The following RSPH4A variants were observed in gnomAD, a reference collection of about 807,000 sequenced individuals.
RSPH4A encodes radial spoke head protein 4 homolog A.
In RSPH4A, 47 loss-of-function variants were observed where a neutral mutation model predicts 71.0. The observed-to-expected ratio is 0.66, with a 90% CI of 0.52 to 0.84. The LOEUF is 0.84. Among genes scored for constraint, RSPH4A ranks in the 40% least tolerant of loss-of-function variants. The pLI is 0.00. For synonymous variants in RSPH4A, 282 were observed against 302.3 expected, an observed-to-expected ratio of 0.93 and a Z score of 0.70; for missense variants, 793 against 855.2, an observed-to-expected ratio of 0.93 and a Z score of 0.91.
rs775326896 is a variant in RSPH4A, at chr6:116,628,117, C to G, written c.1410C>G (p.Ile470Met). ...TCACTGGGCGATTGGATGCTCCCATCATAAGCTACCCACCTTTCCCAGGAA... is the reference window on the plus strand; with the variant it reads ...TCACTGGGCGATTGGATGCTCCCATGATAAGCTACCCACCTTTCCCAGGAA... ...KFFTGRLDAP[I>M]ISYPPFPGNE... The change falls in exon 3 of 6, where the codon ATC becomes ATG. Residue 470 changes from isoleucine to methionine, a missense_variant. Transcript: ENST00000229554. The G allele has an allele frequency of 1.7e-5, 28 of 1,614,068 alleles. No individual in the cohort carries two copies. In the Middle Eastern group the frequency reaches 4.9e-4, roughly 28 times the overall value.
rs112580115 is a variant in RSPH4A at position 116,625,986 on chromosome 6, G to A, written c.922-1643G>A. ...GAAGTGGTGTGGAGAACTCTTCCAAGCATAAAGAGTTGAGAGATGCGATAA... is the reference window on the plus strand; with the variant it reads ...GAAGTGGTGTGGAGAACTCTTCCAAACATAAAGAGTTGAGAGATGCGATAA... On this transcript the variant is annotated intron_variant, in intron 2 of 5. Transcript: ENST00000229554. Among the ~76,000 whole-genome samples the A allele has an allele frequency of 3.6e-3, 547 of 152,228 alleles. 4 individuals carry two copies. Among genetic ancestry groups the A allele is most frequent in the Non-Finnish European group, 5.7e-3 (385 of 68,004 alleles).
rs117009436 is a variant in RSPH4A at position 116,623,615 on chromosome 6, G to C, written c.921+613G>C. ...ACATTTTATATTCTCCAAGGTGCCTGGTACAGATCTGGATGTATAGCTATT... is the reference window on the plus strand; with the variant it reads ...ACATTTTATATTCTCCAAGGTGCCTCGTACAGATCTGGATGTATAGCTATT... On this transcript the variant is annotated intron_variant, in intron 2 of 5. Transcript: ENST00000229554. Among the ~76,000 whole-genome samples the C allele has an allele frequency of 6.6e-3, 1,007 of 152,130 alleles. 3 individuals are homozygous for C. The highest frequency in any genetic ancestry group is 0.011 in the Non-Finnish European group (752 of 67,982).
intron 4 of RSPH4A, 125 bp from the exon 5 acceptor site, chr6:116,630,310 A>T: frequency 4.0e-6 from 3 of 744,150 alleles, no homozygotes; most frequent in Admixed American, 3.6e-5. Flanking sequence ...TTCTTTCTGT[A>T]TCAAGTATGT....
chr6:116,631,726 T>G (rs1775808105), intron 5 of RSPH4A, among the ~76,000 whole-genome samples: 1 of 152,176 alleles, frequency 6.6e-6, no homozygotes. Context: ...AAGACAGCAG[T>G]GCATTGTACT....
intron 2 of RSPH4A, among the ~76,000 whole-genome samples, chr6:116,626,130 G>A (rs1450374644): frequency 6.6e-6 from 1 of 152,200 alleles, no homozygotes; most frequent in Non-Finnish European, 1.5e-5. Context: ...GAGTGGTACA[G>A]CAAATGTCAA....
rs764445960 is a variant in RSPH4A at position 116,628,176 on chromosome 6, G to A, written c.1469G>A (p.Arg490Gln). Residue 490 changes from arginine to glutamine, a missense_variant, in exon 3 of 6, where the codon CGA (arginine) becomes CAA (glutamine). Arg to Gln is a conservative substitution (Grantham distance 43). Coordinates refer to ENST00000229554, the MANE Select transcript of RSPH4A (RefSeq NM_001010892.3). ...AATTATTTACGAGCACAAATTGCCC[G>A]AATTTCAGCAGGAACCCACGTCAGT... The part of the protein sequence containing the change: ...ESNYLRAQIA[R>Q]ISAGTHVSPL... 13 of 1,614,006 alleles carry A rather than the reference G, an allele frequency of 8.1e-6. No homozygotes were observed. The highest frequency in any genetic ancestry group is 2.2e-5 in the East Asian group (1 of 44,888).
Position 116,632,422 on chromosome 6 carries a change from A to T in RSPH4A, c.2132A>T (p.Glu711Val). 6.2e-7 allele frequency: 1 copy of T among 1,613,490 alleles called. No individual in the cohort carries two copies. Among genetic ancestry groups the T allele is most frequent in the Non-Finnish European group, 8.5e-7 (1 of 1,179,708 alleles). Residue 711 changes from glutamate (E) to valine (V), a missense_variant, in exon 6 of 6, where the codon GAG (glutamate) becomes GTG (valine). Glu to Val is a moderately radical substitution (Grantham distance 121). Coordinates refer to ENST00000229554, the MANE Select transcript of RSPH4A (RefSeq NM_001010892.3). Reference protein sequence around the residue: ...ENEESEEDEDEEDDYD With the variant: ...ENEESEEDEDVEDDYD ...GAAGAATCTGAGGAAGATGAAGATG[A>T]GGAAGATGATTATGACTAATAAACA...
intron 5 of RSPH4A, 99 bp downstream of exon 5, chr6:116,630,651 T>TG (rs1163612078): frequency 2.2e-5 from 14 of 641,094 alleles, no homozygotes; most frequent in African/African-American, 4.2e-5. Context: ...GTTGTTTCTT[T>TG]GGTTTTTTTT....
chr6:116,617,186 G>C lies in RSPH4A; in HGVS notation c.563G>C (p.Ser188Thr), dbSNP rs376372993. 1 of 1,614,202 alleles carries C rather than the reference G, an allele frequency of 6.2e-7. No individual in the cohort carries two copies. Among genetic ancestry groups the C allele is most frequent in the Non-Finnish European group, 8.5e-7 (1 of 1,180,030 alleles). The stretch of plus-strand genomic sequence containing the variant: ...GTTTTTCAGGAGGAAGACTCAAACA[G>C]TGACTATGATTTACAGCAGCCGGCG... Reference protein sequence around the residue: ...FDVFQEEDSNSDYDLQQPAPG... With the variant: ...FDVFQEEDSNTDYDLQQPAPG... The change falls in exon 1 of 6, where the codon AGT becomes ACT. Residue 188 changes from serine (S) to threonine (T), a missense_variant. Physicochemically the swap from Ser to Thr is moderately conservative, Grantham distance 58. Transcript: ENST00000229554.
intron 1 of RSPH4A, among the ~76,000 whole-genome samples, chr6:116,619,770 G>A (rs1006447976): frequency 3.3e-5 from 5 of 152,132 alleles, no homozygotes; most frequent in African/African-American, 1.2e-4. Context: ...CCAGGCTGGA[G>A]TTCAGTAGCA....
At chr6:116,630,847 ATTTTTTTTTT>A (rs10694358) in intron 5 of RSPH4A, among the ~76,000 whole-genome samples, 2 of 87,614 alleles carry the variant, frequency 2.3e-5, no homozygotes, top group Admixed American at 3.0e-4. Context: ...TAATTTTTGT[ATTTTTTTTTT>A]TTTTTTTTTT....
chr6:116,631,254 G>A (rs905625140), intron 5 of RSPH4A, among the ~76,000 whole-genome samples: 1 of 152,168 alleles, frequency 6.6e-6, no homozygotes, highest in Non-Finnish European at 1.5e-5. Flanking sequence ...GATCATTTCT[G>A]GAGAGAAAGC....
intron 1 of RSPH4A, 146 bp from the exon 2 acceptor site, chr6:116,622,622 A>G (rs1447042222): frequency 1.0e-5 from 6 of 589,512 alleles, no homozygotes; most frequent in Non-Finnish European, 1.5e-5. Context: ...CCTACTTCCT[A>G]TTAATTGACC....
intron 1 of RSPH4A, among the ~76,000 whole-genome samples, chr6:116,621,770 C>T (rs2115355369): frequency 1.3e-5 from 2 of 152,232 alleles, no homozygotes; most frequent in South Asian, 4.1e-4. Context: ...TCTAATTGAA[C>T]TAATAATTAG....
intron 1 of RSPH4A, among the ~76,000 whole-genome samples, chr6:116,620,032 T>C (rs1303074815): frequency 6.6e-6 from 1 of 152,234 alleles, no homozygotes; most frequent in Non-Finnish European, 1.5e-5. Flanking sequence ...TAGTTAATAT[T>C]TTAAACTACA....
At position 116,628,113 on chromosome 6, in the gene RSPH4A, C is replaced by G. The variant is rs1190719133; in HGVS notation, c.1406C>G (p.Pro469Arg). 1 of 1,614,130 alleles carries G rather than the reference C, an allele frequency of 6.2e-7. No homozygotes were observed. The highest frequency in any genetic ancestry group is 8.5e-7 in the Non-Finnish European group (1 of 1,180,042). ...KKFFTGRLDA[P>R]IISYPPFPGN... ...TTTTTCACTGGGCGATTGGATGCTC[C>G]CATCATAAGCTACCCACCTTTCCCA... The change falls in exon 3 of 6, where the codon CCC (proline) becomes CGC (arginine). Residue 469 changes from proline (P) to arginine (R), a missense_variant. Transcript: ENST00000229554.
chr6:116,628,964 G>A (rs187906464), intron 3 of RSPH4A, among the ~76,000 whole-genome samples: 11 of 152,274 alleles, frequency 7.2e-5, no homozygotes, highest in Admixed American at 6.5e-4. Context: ...AATTGAAAGA[G>A]AGTTTAGGAA....
intron 2 of RSPH4A, among the ~76,000 whole-genome samples, chr6:116,624,755 G>A (rs112535572): frequency 6.6e-6 from 1 of 152,084 alleles, no homozygotes; most frequent in Non-Finnish European, 1.5e-5. Flanking sequence ...ACCAGAATTC[G>A]TTTGCTTAGT....
chr6:116,623,396 C>A (rs1424973633), intron 2 of RSPH4A, among the ~76,000 whole-genome samples: 1 of 152,122 alleles, frequency 6.6e-6, no homozygotes. Context: ...CTTATAGCTT[C>A]TTACATAGTA....
Sources: gnomAD v4.1 joint callset for allele counts (sites outside exome capture counted in the v4.1 genomes callset) on GRCh38, gnomAD v4.1.1 for gene constraint, MANE v1.5 for transcripts, NCBI Gene and HGNC (gene_info 2026-07-23, HGNC 2026-07-21) for gene names.